Variants in KIAA1549L observed in about 807,000 individuals in gnomAD.
KIAA1549L encodes KIAA1549 like, also known as UPF0606 protein KIAA1549L.
KIAA1549L carries 88 observed loss-of-function variants against 160.7 expected under a neutral mutation model. The observed-to-expected ratio is 0.55, with a 90% confidence interval of 0.46 to 0.65. The LOEUF is 0.65. Ranked by LOEUF, KIAA1549L falls within the 30% of genes least tolerant of loss-of-function variation. The probability of loss-of-function intolerance (pLI) is 0.00; values close to 1 mark genes in which losing one functional copy is unlikely to be tolerated. For synonymous variants in KIAA1549L, 950 were observed against 976.7 expected, an observed-to-expected ratio of 0.97 and a Z score of 0.51; for missense variants, 2,258 against 2,437.5, an observed-to-expected ratio of 0.93 and a Z score of 1.55.
chr11:33,528,163 A>G (rs1045700465), intron 1 of KIAA1549L, among the ~76,000 whole-genome samples: 1 of 152,198 alleles, frequency 6.6e-6, no homozygotes, highest in Non-Finnish European at 1.5e-5. Context: ...ACCCACTCTC[A>G]GGTATGTCTT....
chr11:33,510,279 G>A (rs58698848), intron 1 of KIAA1549L, among the ~76,000 whole-genome samples: 6,683 of 151,902 alleles, frequency 0.044, 502 homozygotes, highest in African/African-American at 0.15. Context: ...TCTACCTCCC[G>A]GGTTCAAGTG....
rs1363767202 is a variant in KIAA1549L, at chr11:33,551,236, C to G, written c.3698C>G (p.Ala1233Gly). The part of the protein sequence containing the change: ...VLASPWNPQP[A>G]GYFQLKTVLQ... ...GCCTCCCCATGGAATCCCCAGCCTG[C>G]AGGCTACTTCCAGCTAAAAACAGGC... The change falls in exon 5 of 21, where the codon GCA (alanine) becomes GGA (glycine). Residue 1233 changes from alanine (A) to glycine (G), a missense_variant. Ala to Gly is a moderately conservative substitution (Grantham distance 60). Around this residue, in one of 6 missense-constraint regions of KIAA1549L, gnomAD observed 1,359 missense variants for 1,546.6 expected, o/e 0.88. Coordinates refer to ENST00000658780, the MANE Select transcript of KIAA1549L (RefSeq NM_012194.3). 1 of 1,613,178 alleles carries G rather than the reference C, an allele frequency of 6.2e-7. No individual in the cohort carries two copies. The highest frequency in any genetic ancestry group is 8.5e-7 in the Non-Finnish European group (1 of 1,179,832).
At position 33,660,973 on chromosome 11, in the gene KIAA1549L, T is replaced by C. The variant is rs774476806; in HGVS notation, c.6118T>C (p.Tyr2040His). Residue 2040 changes from tyrosine (Y) to histidine (H), a missense_variant, in exon 20 of 21, where the codon TAT (tyrosine) becomes CAT (histidine). Transcript: ENST00000658780. Reference protein sequence around the residue: ...SSYRNQAWMSYAGENELPSQW... With the variant: ...SSYRNQAWMSHAGENELPSQW... The stretch of plus-strand genomic sequence containing the variant: ...CTATAGGAACCAGGCCTGGATGTCC[T>C]ATGCAGGAGAGAATGAGCTCCCGAG... 6 of 1,612,200 alleles carry C rather than the reference T, an allele frequency of 3.7e-6. No individual in the cohort carries two copies. The highest frequency in any genetic ancestry group is 4.2e-6 in the Non-Finnish European group (5 of 1,179,140).
chr11:33,462,414 A>G (rs749831441), intron 1 of KIAA1549L, among the ~76,000 whole-genome samples: 17 of 152,362 alleles, frequency 1.1e-4, no homozygotes, highest in Non-Finnish European at 2.4e-4. Flanking sequence ...CCCATTATGC[A>G]ATATCTGTAA....
At chr11:33,569,244 G>A (rs1440830493) in intron 9 of KIAA1549L, among the ~76,000 whole-genome samples, 3 of 152,202 alleles carry the variant, frequency 2.0e-5, no homozygotes, top group Admixed American at 6.5e-5. Flanking sequence ...CCTCTCTGGT[G>A]TATTCTAGCC....
intron 1 of KIAA1549L, among the ~76,000 whole-genome samples, chr11:33,395,106 A>G (rs1251797208): frequency 2.0e-5 from 3 of 152,198 alleles, no homozygotes; most frequent in African/African-American, 7.2e-5. Context: ...TGAGTTTGCA[A>G]TCCCTGCTTT....
chr11:33,458,861 C>G (rs1457265965), intron 1 of KIAA1549L, among the ~76,000 whole-genome samples: 1 of 152,162 alleles, frequency 6.6e-6, no homozygotes, highest in Admixed American at 6.5e-5. Flanking sequence ...CTGGGAAGCT[C>G]TGTGTAGAGT....
rs548319742 is a variant in KIAA1549L at position 33,630,601 on chromosome 11, C to T, written c.5409+11939C>T. 1.5e-3 allele frequency among the ~76,000 whole-genome samples: 234 copies of T among 151,928 alleles called. 4 individuals carry two copies. The highest frequency in any genetic ancestry group is 9.3e-4 in the Non-Finnish European group (63 of 67,916). ...GGAAAGGGAACTCCCTGACCCTTTG[C>T]GCTTCCCGAGTGAGGCAATGCCTCG... On this transcript the variant is annotated intron_variant, in intron 16 of 20. Coordinates refer to ENST00000658780, the MANE Select transcript of KIAA1549L (RefSeq NM_012194.3).
intron 16 of KIAA1549L, among the ~76,000 whole-genome samples, chr11:33,620,928 G>T (rs866871766): frequency 6.6e-6 from 1 of 152,076 alleles, no homozygotes; most frequent in African/African-American, 2.4e-5. Context: ...TTACCAGAGC[G>T]CTTCTGGCAA....
At chr11:33,575,126 T>A (rs1474773) in intron 10 of KIAA1549L, among the ~76,000 whole-genome samples, 11,045 of 152,266 alleles carry the variant, frequency 0.073, 1,361 homozygotes, top group African/African-American at 0.25. Flanking sequence ...CATAATCTAG[T>A]GAACAGCTAT....
chr11:33,404,321 T>C (rs549999078), intron 1 of KIAA1549L, among the ~76,000 whole-genome samples: 104 of 152,124 alleles, frequency 6.8e-4, no homozygotes, highest in Non-Finnish European at 1.2e-3. Flanking sequence ...GGTTAGGAGT[T>C]TGAGACCAGC....
At position 33,543,294 on chromosome 11, in the gene KIAA1549L, G is replaced by A. The variant is rs1854099257; in HGVS notation, c.1731G>A (p.Val577=). 4 of 1,614,030 alleles carry A rather than the reference G, an allele frequency of 2.5e-6. No individual in the cohort carries two copies. The highest frequency in any genetic ancestry group is 2.2e-5 in the East Asian group (1 of 44,882). ...TAGGGAAGAATGAAGAGGCAAATGT[G>A]ACGATTCCTCTCCAGGCCTTTCCAA... ...AILGKNEEAN[V]TIPLQAFPRK... Residue 577 remains valine (V), a synonymous_variant, in exon 2 of 21, where the codon GTG becomes GTA. Coordinates refer to ENST00000658780, the MANE Select transcript of KIAA1549L (RefSeq NM_012194.3).
At chr11:33,606,533 T>C (rs1046185390) in intron 13 of KIAA1549L, 108 bp from the exon 14 acceptor site, 1 of 1,029,022 alleles carries the variant, frequency 9.7e-7, no homozygotes, top group East Asian at 2.6e-5. Flanking sequence ...GTTTCTGAGG[T>C]TGTTTTGAGT....
chr11:33,387,428 C>T (rs563412782), intron 1 of KIAA1549L, among the ~76,000 whole-genome samples: 1 of 152,222 alleles, frequency 6.6e-6, no homozygotes, highest in East Asian at 1.9e-4. Context: ...GCCTCAGCCT[C>T]CCAAGTAGCT....
At chr11:33,666,342 C>T (rs1852451726) in intron 20 of KIAA1549L, among the ~76,000 whole-genome samples, 1 of 152,186 alleles carries the variant, frequency 6.6e-6, no homozygotes, top group Non-Finnish European at 1.5e-5. Flanking sequence ...ATGGCAGCAG[C>T]CTCTGCCATC....
chr11:33,626,163 C>T (rs1851107487), intron 16 of KIAA1549L, among the ~76,000 whole-genome samples: 2 of 146,918 alleles, frequency 1.4e-5, no homozygotes, highest in South Asian at 4.3e-4. Context: ...GTTACTGTAG[C>T]CTTGTAGTAT....
At chr11:33,600,110 T>C (rs1046684978) in intron 13 of KIAA1549L, among the ~76,000 whole-genome samples, 1 of 152,246 alleles carries the variant, frequency 6.6e-6, no homozygotes, top group African/African-American at 2.4e-5. Flanking sequence ...TCAGCTATTA[T>C]ATAAAGCACT....
chr11:33,601,607 A>C (rs996783163), intron 13 of KIAA1549L, among the ~76,000 whole-genome samples: 1 of 152,208 alleles, frequency 6.6e-6, no homozygotes, highest in African/African-American at 2.4e-5. Flanking sequence ...TATTCTGTTG[A>C]TATGGAATAT....
chr11:33,584,244 G>C (rs1855739264), intron 11 of KIAA1549L, among the ~76,000 whole-genome samples: 1 of 152,230 alleles, frequency 6.6e-6, no homozygotes, highest in African/African-American at 2.4e-5. Flanking sequence ...GTGATATTTT[G>C]TTACAACAGC....
Sources: allele counts gnomAD v4.1 joint callset (sites outside exome capture counted in the v4.1 genomes callset), GRCh38; gene constraint gnomAD v4.1.1; regional missense constraint gnomAD v4.1.1; transcripts MANE v1.5; gene names NCBI Gene and HGNC (gene_info 2026-07-23, HGNC 2026-07-21).